L3MBTL2: variants seen among roughly 807,000 people sequenced by gnomAD.
L3MBTL2 encodes lethal(3)malignant brain tumor-like protein 2.
In L3MBTL2, 49 loss-of-function variants were observed where a neutral mutation model predicts 86.4. The observed-to-expected ratio is 0.57, with a 90% CI of 0.45 to 0.72. The LOEUF is 0.72. L3MBTL2 is among the 30% of genes least tolerant of loss of function. L3MBTL2 has a pLI of 0.00. For synonymous variants in L3MBTL2, 336 were observed against 350.6 expected (o/e 0.96, Z 0.47); for missense variants, 755 against 923.7 (o/e 0.82, Z 2.37).
At chr22:41,226,997 C>A in intron 13 of L3MBTL2, 92 bp from the exon 14 acceptor site, 1 of 1,146,314 alleles carries the variant, frequency 8.7e-7, no homozygotes, top group Non-Finnish European at 1.2e-6. Context: ...CCCGCCCCTC[C>A]CTGCCAGTTC....
Position 41,224,315 on chromosome 22 carries a change from C to T in L3MBTL2, c.1174+64C>T. ...CTTCCCCAGGGACGGAGTGGGAGCA[C>T]CTTCCTACTCGTCACAGCAGGTCAG... is the stretch of plus-strand genomic sequence containing the variant. On this transcript the variant is annotated intron_variant, in intron 9 of 16. Transcript: ENST00000216237. The surrounding 1 kb of genome is among the most constrained non-coding windows in gnomAD (Gnocchi z 4.9). 1 of 1,323,700 alleles carries T rather than the reference C, an allele frequency of 7.6e-7. No individual in the cohort carries two copies. Among genetic ancestry groups the T allele is most frequent in the Non-Finnish European group, 1.1e-6 (1 of 939,204 alleles). The allele number at this position is 1,323,700 out of a possible 1,614,324, so 82.0% of individuals were successfully genotyped here. A position where few individuals can be genotyped will look rare whatever the true frequency, so the allele number is the denominator to read the frequency against.
chr22:41,221,118 C>T (rs1706675340), intron 7 of L3MBTL2, 81 bp from the exon 8 acceptor site: 1 of 1,326,408 alleles, frequency 7.5e-7, no homozygotes, highest in Non-Finnish European at 1.0e-6. Context: ...TGAGGGGTCC[C>T]CACTCTGGGT....
Position 41,230,433 on chromosome 22 carries a change from T to C in L3MBTL2, c.*182T>C, listed in dbSNP as rs75654842. The C allele has an allele frequency of 1.5e-4, 88 of 596,052 alleles. No homozygotes were observed. The highest frequency in any genetic ancestry group is 2.5e-4 in the Non-Finnish European group (85 of 335,700). 36.9% of individuals were successfully genotyped at this position (596,052 alleles called of 1,614,324 possible). ...GGTCTCCTGGGACCCGCCTGTTGCT[T>C]CTGCCCTCCCCTGTGGAAAGGTCTA... On this transcript the variant is annotated 3_prime_UTR_variant, in exon 17 of 17. Coordinates refer to ENST00000216237, the MANE Select transcript of L3MBTL2 (RefSeq NM_031488.5).
intron 2 of L3MBTL2, among the ~76,000 whole-genome samples, chr22:41,212,310 C>A (rs751413019): frequency 2.8e-4 from 42 of 151,794 alleles, no homozygotes; most frequent in Non-Finnish European, 5.3e-4. Context: ...GGGTTCTGCA[C>A]ATTAGAATCA....
chr22:41,214,083 C>T (rs2031137978), intron 3 of L3MBTL2, 57 bp downstream of exon 3: 3 of 1,592,046 alleles, frequency 1.9e-6, no homozygotes, highest in Non-Finnish European at 2.6e-6. Context: ...ACAGGAACCA[C>T]CAAGTGACTG....
chr22:41,212,932 G>C (rs549934228), intron 2 of L3MBTL2, among the ~76,000 whole-genome samples: 13 of 148,192 alleles, frequency 8.8e-5, no homozygotes, highest in Middle Eastern at 4.4e-3. Flanking sequence ...TTAAAACACT[G>C]ATCTAGCTGG....
intron 2 of L3MBTL2, chr22:41,210,146 T>TC: frequency 6.6e-6 from 2 of 303,772 alleles, no homozygotes; most frequent in Admixed American, 5.2e-5. Flanking sequence ...CTAATTTCTT[T>TC]TTTTTTTTTT....
rs1489840557 is a variant in L3MBTL2, at chr22:41,220,263, C to T, written c.719-471C>T. ...AGAGAATTAACTCTCAGCACCATTC[C>T]ATAATGCTTTCCGAACTAGGAGCAT... On this transcript the variant is annotated intron_variant, in intron 6 of 16. Coordinates refer to ENST00000216237, the MANE Select transcript of L3MBTL2 (RefSeq NM_031488.5). Among the ~76,000 whole-genome samples the T allele has an allele frequency of 6.6e-5, 10 of 152,190 alleles. No individual in the cohort carries two copies. The East Asian group carries it at 1.9e-3, about 29-fold the overall frequency.
At chr22:41,222,931 A>G (rs1424051494) in intron 8 of L3MBTL2, among the ~76,000 whole-genome samples, 1 of 152,206 alleles carries the variant, frequency 6.6e-6, no homozygotes, top group Non-Finnish European at 1.5e-5. Flanking sequence ...TTCAAAAAAA[A>G]AAACAAAAAC....
At chr22:41,223,719 G>A (rs2031990117) in intron 8 of L3MBTL2, among the ~76,000 whole-genome samples, 1 of 152,228 alleles carries the variant, frequency 6.6e-6, no homozygotes, top group Admixed American at 6.5e-5. Flanking sequence ...TTAGTCTAAA[G>A]TGCGTTTTGT....
chr22:41,228,373 G>A (rs1410742050), intron 15 of L3MBTL2: 1 of 985,340 alleles, frequency 1.0e-6, no homozygotes, highest in South Asian at 4.7e-5. Context: ...CGTTTCCCTT[G>A]GTGGGGCCTC....
rs907291276 is a variant in L3MBTL2, at chr22:41,217,208, T to C, written c.600+6T>C. ...CCGTCAGCTGTTTCAAGCACGTGAG[T>C]GCCCTGGAGCTGAGGGAGGGAGGCC... is the stretch of plus-strand genomic sequence containing the variant. On this transcript the variant is annotated splice_donor_region_variant and intron_variant, in intron 5 of 16. Coordinates refer to ENST00000216237, the MANE Select transcript of L3MBTL2 (RefSeq NM_031488.5). The C allele has an allele frequency of 3.1e-6, 5 of 1,610,346 alleles. No homozygotes were observed. The highest frequency in any genetic ancestry group is 2.7e-5 in the African/African-American group (2 of 74,866).
At chr22:41,220,659 G>GAAAAA in intron 6 of L3MBTL2, 75 bp from the exon 7 acceptor site, 16 of 1,280,210 alleles carry the variant, frequency 1.2e-5, no homozygotes, top group South Asian at 3.2e-5. Flanking sequence ...CTTCGTCTCA[G>GAAAAA]AAAAAAAAAA....
At chr22:41,208,615 T>C (rs2145564683) in intron 1 of L3MBTL2, among the ~76,000 whole-genome samples, 1 of 152,332 alleles carries the variant, frequency 6.6e-6, no homozygotes, top group Non-Finnish European at 1.5e-5. Context: ...CACACCAAGA[T>C]GCCACAGTTA....
intron 8 of L3MBTL2, among the ~76,000 whole-genome samples, chr22:41,222,103 A>T (rs958918295): frequency 6.8e-6 from 1 of 146,924 alleles, no homozygotes; most frequent in Non-Finnish European, 1.5e-5. Context: ...GGGTTTCACC[A>T]TATTGGCCAG....
intron 8 of L3MBTL2, among the ~76,000 whole-genome samples, chr22:41,223,488 A>G (rs1413419175): frequency 6.6e-6 from 1 of 152,146 alleles, no homozygotes; most frequent in Non-Finnish European, 1.5e-5. Context: ...GCTGCAGCCC[A>G]TCAGGGTCAG....
chr22:41,217,160 G>T lies in L3MBTL2; in HGVS notation c.558G>T (p.Lys186Asn), dbSNP rs1427132098. 1 of 1,613,968 alleles carries T rather than the reference G, an allele frequency of 6.2e-7. No individual in the cohort carries two copies. The highest frequency in any genetic ancestry group is 2.2e-5 in the East Asian group (1 of 44,882). Residue 186 changes from lysine to asparagine, a missense_variant, in exon 5 of 17, where the codon AAG becomes AAT. Lys to Asn is a moderately conservative substitution (Grantham distance 94, BLOSUM62 0). Around this residue, in one of 3 missense-constraint regions of L3MBTL2, gnomAD observed 634 missense variants for 748.9 expected, o/e 0.85. Transcript: ENST00000216237. ...VLGFDWGKFL[K>N]DHSYKAAPVS... ...GCTTCGACTGGGGGAAGTTCCTGAAGGATCACAGTTACAAGGCTGCTCCCG... is the reference window on the plus strand; with the variant it reads ...GCTTCGACTGGGGGAAGTTCCTGAATGATCACAGTTACAAGGCTGCTCCCG...
chr22:41,223,380 C>T (rs1007497890), intron 8 of L3MBTL2, among the ~76,000 whole-genome samples: 1 of 152,238 alleles, frequency 6.6e-6, no homozygotes, highest in African/African-American at 2.4e-5. Context: ...TCCTCTGTAC[C>T]CCAGCACCAT....
chr22:41,220,862 C>G lies in L3MBTL2; in HGVS notation c.847C>G (p.Pro283Ala), dbSNP rs1250725633. 6.2e-7 allele frequency: 1 copy of G among 1,612,786 alleles called. No individual in the cohort carries two copies. The highest frequency in any genetic ancestry group is 8.5e-7 in the Non-Finnish European group (1 of 1,179,124). ...CATCAACAGCAAGATCCTAGTGCCC[C>G]CACGGAGTGAGTTGATGAGAACATT... The part of the protein sequence containing the change: ...CAINSKILVP[P>A]RTIHAKFTDW... The change falls in exon 7 of 17, where the codon CCA (proline) becomes GCA (alanine). Residue 283 changes from proline (P) to alanine (A), a missense_variant. Transcript: ENST00000216237.
Sources: gnomAD v4.1 joint callset for allele counts (sites outside exome capture counted in the v4.1 genomes callset) on GRCh38, gnomAD v4.1.1 for gene constraint, gnomAD v4.1.1 regional missense constraint, Gnocchi (gnomAD v3.1) non-coding constraint, MANE v1.5 for transcripts, NCBI Gene and HGNC (gene_info 2026-07-23, HGNC 2026-07-21) for gene names.